PPP3CC: variants seen among roughly 807,000 people sequenced by gnomAD.
The protein encoded by PPP3CC is protein phosphatase 3 catalytic subunit gamma.
A neutral mutation model predicts 60.3 loss-of-function variants in PPP3CC; 35 were observed. The observed-to-expected ratio is 0.58, with a 90% confidence interval of 0.44 to 0.77. The LOEUF (loss-of-function observed/expected upper bound fraction) is 0.77, where lower values mean the gene tolerates loss of function less well. Among genes scored for constraint, PPP3CC ranks in the 30% least tolerant of loss-of-function variants. The pLI, the probability that PPP3CC is intolerant of heterozygous loss-of-function variation, is 0.00. For missense variants in PPP3CC, 570 were observed against 628.9 expected (o/e 0.91, Z 1.00); for synonymous variants, 206 against 224.3 (o/e 0.92, Z 0.73).
At chr8:22,468,565 G>A (rs1369561279) in intron 1 of PPP3CC, among the ~76,000 whole-genome samples, 1 of 151,868 alleles carries the variant, frequency 6.6e-6, no homozygotes, top group Non-Finnish European at 1.5e-5. Flanking sequence ...TGGCAAATTA[G>A]AGAAAATATT....
At chr8:22,525,541 TCCCTC>T (rs1563780740) in intron 8 of PPP3CC, among the ~76,000 whole-genome samples, 26 of 64,176 alleles carry the variant, frequency 4.1e-4, no homozygotes, top group South Asian at 3.8e-3. Context: ...TTTCTTTCTC[TCCCTC>T]TCTCTCTCTC....
intron 1 of PPP3CC, among the ~76,000 whole-genome samples, chr8:22,451,585 A>G (rs1563672713): frequency 6.6e-6 from 1 of 152,284 alleles, no homozygotes; most frequent in African/African-American, 2.4e-5. Context: ...AAACCTGGGG[A>G]CATAACCCAA....
chr8:22,513,199 G>A, intron 5 of PPP3CC, 94 bp from the exon 6 acceptor site: 14 of 1,287,326 alleles, frequency 1.1e-5, no homozygotes, highest in Non-Finnish European at 1.5e-5. Flanking sequence ...ATACATTCTT[G>A]TGGGTGAAAG....
intron 3 of PPP3CC, 150 bp from the exon 4 acceptor site, chr8:22,497,851 A>G (rs1838636090): frequency 7.4e-6 from 4 of 541,286 alleles, no homozygotes; most frequent in South Asian, 2.9e-5. Context: ...ATTCTAGGGC[A>G]ATAAGTATAT....
intron 9 of PPP3CC, among the ~76,000 whole-genome samples, chr8:22,527,834 C>T (rs1052058202): frequency 1.5e-4 from 23 of 152,206 alleles, no homozygotes; most frequent in African/African-American, 5.5e-4. Context: ...AGGGTTTCAC[C>T]ATATTGGCCA....
At chr8:22,506,746 C>T (rs887765580) in intron 4 of PPP3CC, among the ~76,000 whole-genome samples, 5 of 149,572 alleles carry the variant, frequency 3.3e-5, no homozygotes, top group Non-Finnish European at 5.9e-5. Flanking sequence ...TTGAGACCAT[C>T]CTGGCGAACA....
At chr8:22,494,114 A>G (rs1838490736) in intron 3 of PPP3CC, among the ~76,000 whole-genome samples, 1 of 152,140 alleles carries the variant, frequency 6.6e-6, no homozygotes, top group Non-Finnish European at 1.5e-5. Flanking sequence ...ATATTGATTT[A>G]TCTGTTTCTC....
intron 1 of PPP3CC, among the ~76,000 whole-genome samples, chr8:22,451,708 G>T (rs1187062252): frequency 1.3e-5 from 2 of 152,098 alleles, no homozygotes; most frequent in African/African-American, 2.4e-5. Context: ...GATTGACCAC[G>T]TAGGTGGCTA....
intron 8 of PPP3CC, among the ~76,000 whole-genome samples, chr8:22,523,092 G>T (rs571476657): frequency 6.6e-6 from 1 of 152,238 alleles, no homozygotes; most frequent in South Asian, 2.1e-4. Context: ...GTTTATAACA[G>T]TATCTCAAAG....
At chr8:22,523,855 C>G (rs1023699128) in intron 8 of PPP3CC, 3 of 189,738 alleles carry the variant, frequency 1.6e-5, no homozygotes, top group African/African-American at 4.8e-5. Context: ...TACAGTGGCT[C>G]TGGAGGCACT....
intron 3 of PPP3CC, among the ~76,000 whole-genome samples, chr8:22,480,786 TA>T (rs1380558002): frequency 5.3e-5 from 8 of 152,130 alleles, no homozygotes; most frequent in Non-Finnish European, 2.9e-5. Context: ...GCCCCAAAGT[TA>T]ATTTTAGGTC....
At chr8:22,480,738 C>G (rs1019109609) in intron 3 of PPP3CC, among the ~76,000 whole-genome samples, 2 of 152,090 alleles carry the variant, frequency 1.3e-5, no homozygotes, top group African/African-American at 4.8e-5. Context: ...CTCAGCCTCC[C>G]AAAGTGCCAG....
intron 1 of PPP3CC, among the ~76,000 whole-genome samples, chr8:22,461,136 A>G (rs1194492991): frequency 6.6e-6 from 1 of 152,126 alleles, no homozygotes; most frequent in East Asian, 1.9e-4. Flanking sequence ...GAGCCACCGC[A>G]CCCAGCTGAA....
At chr8:22,457,918 C>T (rs983666432) in intron 1 of PPP3CC, among the ~76,000 whole-genome samples, 9 of 151,910 alleles carry the variant, frequency 5.9e-5, no homozygotes, top group Non-Finnish European at 1.2e-4. Flanking sequence ...ACGGTGAAAC[C>T]CCGTCTCTAC....
At chr8:22,524,021 T>C (rs1839476670) in intron 8 of PPP3CC, among the ~76,000 whole-genome samples, 1 of 152,226 alleles carries the variant, frequency 6.6e-6, no homozygotes, top group Non-Finnish European at 1.5e-5. Context: ...AAGATACTTC[T>C]CTGAGCCTCA....
At chr8:22,535,173 C>G (rs534704177) in intron 12 of PPP3CC, among the ~76,000 whole-genome samples, 1 of 152,162 alleles carries the variant, frequency 6.6e-6, no homozygotes, top group Non-Finnish European at 1.5e-5. Flanking sequence ...GGGAGTTTGC[C>G]TCTTTCCCTG....
intron 1 of PPP3CC, among the ~76,000 whole-genome samples, chr8:22,451,526 C>G (rs1837025617): frequency 1.3e-5 from 2 of 152,196 alleles, no homozygotes; most frequent in Admixed American, 6.5e-5. Flanking sequence ...CCAGATGACA[C>G]CACAAGTGGA....
At chr8:22,539,321 C>T (rs909592586) in intron 12 of PPP3CC, 148 bp from the exon 13 acceptor site, 1 of 592,540 alleles carries the variant, frequency 1.7e-6, no homozygotes, top group Non-Finnish European at 2.9e-6. Flanking sequence ...ATAATCTTCT[C>T]GCTTCTCTAA....
At chr8:22,503,566 T>A (rs538108568) in intron 4 of PPP3CC, among the ~76,000 whole-genome samples, 1 of 152,300 alleles carries the variant, frequency 6.6e-6, no homozygotes, top group African/African-American at 2.4e-5. Context: ...AGTAGGTGTA[T>A]CTATTTATGG....
Sources: allele counts gnomAD v4.1 joint callset (sites outside exome capture counted in the v4.1 genomes callset), GRCh38; gene constraint gnomAD v4.1.1; transcripts MANE v1.5; gene names NCBI Gene and HGNC (gene_info 2026-07-23, HGNC 2026-07-21).